The following SPC25 variants were observed in gnomAD, a reference collection of about 807,000 sequenced individuals.
The protein encoded by SPC25 is SPC25 component of NDC80 kinetochore complex.
In SPC25, 22 loss-of-function variants were observed where a neutral mutation model predicts 29.6. The ratio of observed to expected loss-of-function variants is 0.74; its 90% CI spans 0.53 to 1.06. The LOEUF (loss-of-function observed/expected upper bound fraction) is 1.06. Among genes scored for constraint, SPC25 ranks in the 50% least tolerant of loss-of-function variants. The pLI, the probability that SPC25 is intolerant of heterozygous loss-of-function variation, is 0.00. For synonymous variants in SPC25, 91 were observed against 90.4 expected, an observed-to-expected ratio of 1.01 and a Z score of -0.04; for missense variants, 230 against 255.8, an observed-to-expected ratio of 0.90 and a Z score of 0.69.
chr2:168,877,672 C>T (rs1405315737), intron 3 of SPC25, among the ~76,000 whole-genome samples: 5 of 152,082 alleles, frequency 3.3e-5, no homozygotes, highest in African/African-American at 1.2e-4. Flanking sequence ...TGCAGCTCCC[C>T]ACTCCAAATA....
At chr2:168,879,082 C>G (rs748913836) in intron 3 of SPC25, among the ~76,000 whole-genome samples, 25 of 152,294 alleles carry the variant, frequency 1.6e-4, no homozygotes, top group Admixed American at 3.9e-4. Flanking sequence ...AAGTCCTAAA[C>G]TTTTGCAGGG....
At chr2:168,862,750 C>T (rs938375842) in intron 4 of SPC25, among the ~76,000 whole-genome samples, 1 of 130,496 alleles carries the variant, frequency 7.7e-6, no homozygotes, top group East Asian at 3.0e-4. Context: ...AGTCTCCAGC[C>T]TCAACCTTCT....
At chr2:168,864,266 C>T (rs542112371) in intron 4 of SPC25, among the ~76,000 whole-genome samples, 52 of 139,572 alleles carry the variant, frequency 3.7e-4, no homozygotes, top group Middle Eastern at 3.6e-3. Flanking sequence ...TGTCAGCCAC[C>T]GTGCCTGGCT....
chr2:168,886,362 A>G (rs1407373586), intron 3 of SPC25, among the ~76,000 whole-genome samples: 1 of 151,792 alleles, frequency 6.6e-6, no homozygotes, highest in East Asian at 1.9e-4. Flanking sequence ...CTGGAACAAT[A>G]TATTTTAATT....
rs1039915409 is a variant in SPC25, at chr2:168,877,865, C to T, written c.200-481G>A. On this transcript the variant is annotated intron_variant, in intron 3 of 6. Coordinates refer to ENST00000282074, the MANE Select transcript of SPC25 (RefSeq NM_020675.4). ...GGGACTACAGGCACACACCACATCACGCCTGGCTGATTTTTAAATTTTTTT... is the reference window on the plus strand; with the variant it reads ...GGGACTACAGGCACACACCACATCATGCCTGGCTGATTTTTAAATTTTTTT... Among the ~76,000 whole-genome samples the T allele has an allele frequency of 1.3e-3, 201 of 152,174 alleles. 3 individuals carry two copies. The highest frequency in any genetic ancestry group is 3.4e-3 in the Middle Eastern group (1 of 294).
chr2:168,867,291 G>T (rs989970669), downstream of SPC25, among the ~76,000 whole-genome samples: 1 of 152,138 alleles, frequency 6.6e-6, no homozygotes, highest in African/African-American at 2.4e-5. Context: ...ATGCCAAAAT[G>T]TAAAGGCCAT....
downstream of SPC25, among the ~76,000 whole-genome samples, chr2:168,867,449 T>TAA (rs1376976063): frequency 1.3e-5 from 2 of 152,144 alleles, no homozygotes; most frequent in East Asian, 3.9e-4. Flanking sequence ...GCAAATTGGA[T>TAA]AAAGAGTCAA....
chr2:168,876,149 G>T lies in SPC25; in HGVS notation c.374C>A (p.Ala125Glu). The change falls in exon 5 of 7, where the codon GCA becomes GAA. Residue 125 changes from alanine (A) to glutamate (E), a missense_variant. Physicochemically the swap from Ala to Glu is moderately radical, Grantham distance 107 (BLOSUM62 -1). Transcript: ENST00000282074. Reference sequence around the variant, plus strand: ...TTTCTGCAGCCTTTTCAACCTCTCTGCATTCGCTTTATTAGCAGTAGAAAT... The same window carrying T: ...TTTCTGCAGCCTTTTCAACCTCTCTTCATTCGCTTTATTAGCAGTAGAAAT... ...ETISTANKANAERLKRLQKSA... is the reference protein window; with the variant it reads ...ETISTANKANEERLKRLQKSA... 1 of 1,569,678 alleles carries T rather than the reference G, an allele frequency of 6.4e-7. No individual in the cohort carries two copies. Among genetic ancestry groups the T allele is most frequent in the Non-Finnish European group, 8.6e-7 (1 of 1,165,352 alleles).
At chr2:168,864,960 C>T (rs1689771035) in intron 4 of SPC25, 1 of 1,614,024 alleles carries the variant, frequency 6.2e-7, no homozygotes, top group South Asian at 1.1e-5. Flanking sequence ...AACACAGCTA[C>T]AAAGGCATAA....
At chr2:168,865,022 T>TGGGCCGGGCGC in intron 4 of SPC25, 1 of 1,589,760 alleles carries the variant, frequency 6.3e-7, no homozygotes, top group Non-Finnish European at 8.6e-7. Flanking sequence ...CAATACAGTG[T>TGGGCCGGGCGC]GGTTCAAATA....
chr2:168,874,274 G>A (rs1010986005), intron 5 of SPC25, among the ~76,000 whole-genome samples: 3 of 152,136 alleles, frequency 2.0e-5, no homozygotes, highest in Non-Finnish European at 2.9e-5. Flanking sequence ...GCACATTGCT[G>A]GTAGAAATGT....
chr2:168,888,675 T>G (rs1204706309), intron 3 of SPC25, among the ~76,000 whole-genome samples: 1 of 152,036 alleles, frequency 6.6e-6, no homozygotes, highest in Non-Finnish European at 1.5e-5. Flanking sequence ...TCTTAAACTG[T>G]ATAGTATGTC....
intron 3 of SPC25, among the ~76,000 whole-genome samples, chr2:168,882,840 T>C (rs1690199587): frequency 6.6e-6 from 1 of 152,144 alleles, no homozygotes; most frequent in African/African-American, 2.4e-5. Flanking sequence ...CTCAGATTAA[T>C]CACAGAAATG....
chr2:168,882,491 G>T (rs1690193981), intron 3 of SPC25, among the ~76,000 whole-genome samples: 1 of 152,210 alleles, frequency 6.6e-6, no homozygotes, highest in Admixed American at 6.5e-5. Context: ...TGTAATTCCA[G>T]CTACTAGGGA....
intron 4 of SPC25, chr2:168,863,248 A>ATAGAT (rs1211130510): frequency 2.8e-5 from 7 of 246,460 alleles, no homozygotes; most frequent in African/African-American, 1.2e-4. Flanking sequence ...ATTCTTGTTA[A>ATAGAT]TAGATTATGT....
intron 3 of SPC25, among the ~76,000 whole-genome samples, chr2:168,881,894 T>A (rs11688384): frequency 0.12 from 17,898 of 152,304 alleles, 1,331 homozygotes; most frequent in Non-Finnish European, 0.17. Flanking sequence ...CAAATTGAAG[T>A]GAGCATGGAA....
Position 168,876,172 on chromosome 2 carries a change from A to C in SPC25, c.351T>G (p.Ile117Met). 1.9e-6 allele frequency: 3 copies of C among 1,552,776 alleles called. No homozygotes were observed. Among genetic ancestry groups the C allele is most frequent in the Non-Finnish European group, 2.6e-6 (3 of 1,157,206 alleles). Residue 117 changes from isoleucine (I) to methionine (M), a missense_variant, in exon 5 of 7, where the codon ATT becomes ATG. Ile to Met is a conservative substitution (Grantham distance 10). Transcript: ENST00000282074. Reference protein sequence around the residue: ...KEEYSRKKETISTANKANAER... With the variant: ...KEEYSRKKETMSTANKANAER... ...CTGCATTCGCTTTATTAGCAGTAGA[A>C]ATAGCTGATTAAAAAACACACACAA...
chr2:168,870,071 A>T (rs1689950355), downstream of SPC25, among the ~76,000 whole-genome samples: 5 of 152,174 alleles, frequency 3.3e-5, no homozygotes, highest in South Asian at 1.0e-3. Flanking sequence ...CAACCATCTG[A>T]TCTTTGACAA....
intron 4 of SPC25, among the ~76,000 whole-genome samples, chr2:168,861,728 A>G (rs1689463259): frequency 1.3e-5 from 2 of 152,324 alleles, no homozygotes; most frequent in South Asian, 4.1e-4. Flanking sequence ...TATTTCATGT[A>G]TTATAATATA....
Sources: allele counts gnomAD v4.1 joint callset (sites outside exome capture counted in the v4.1 genomes callset), GRCh38; gene constraint gnomAD v4.1.1; transcripts MANE v1.5; gene names NCBI Gene and HGNC (gene_info 2026-07-23, HGNC 2026-07-21).